The following SORCS1 variants were observed in gnomAD, a reference collection of about 807,000 sequenced individuals.
The protein encoded by SORCS1 is VPS10 domain-containing receptor SorCS1.
A neutral mutation model predicts 146.1 loss-of-function variants in SORCS1; 60 were observed. That is an observed-to-expected ratio of 0.41 (90% CI 0.33 to 0.51). SORCS1 has a LOEUF of 0.51. SORCS1 is among the 20% of genes least tolerant of loss of function. The probability of loss-of-function intolerance (pLI) is 0.21; values close to 1 mark genes in which losing one functional copy is unlikely to be tolerated. For missense variants in SORCS1, 1,352 were observed against 1,487.6 expected (o/e 0.91, Z 1.50); for synonymous variants, 637 against 584.0 (o/e 1.09, Z -1.31).
At chr10:106,742,439 G>T (rs1844967053) in intron 5 of SORCS1, among the ~76,000 whole-genome samples, 1 of 152,032 alleles carries the variant, frequency 6.6e-6, no homozygotes, top group Admixed American at 6.6e-5. Flanking sequence ...GAGTACAGTG[G>T]CACAATCTCA....
intron 1 of SORCS1, among the ~76,000 whole-genome samples, chr10:107,066,788 A>T (rs1484333115): frequency 6.6e-6 from 1 of 152,222 alleles, no homozygotes; most frequent in Non-Finnish European, 1.5e-5. Flanking sequence ...TGTGTTCCCA[A>T]CCATATAAAT....
chr10:106,951,598 A>C (rs1954689505), intron 2 of SORCS1, among the ~76,000 whole-genome samples: 1 of 151,988 alleles, frequency 6.6e-6, no homozygotes, highest in Non-Finnish European at 1.5e-5. Flanking sequence ...CCCTCACTGG[A>C]CCAGATCATT....
chr10:106,785,047 A>G (rs1384281563), intron 3 of SORCS1, among the ~76,000 whole-genome samples: 2 of 152,200 alleles, frequency 1.3e-5, no homozygotes, highest in African/African-American at 2.4e-5. Context: ...CATCCTAATG[A>G]AGGAGTTCAG....
At chr10:106,618,528 A>G (rs2133474533) in intron 20 of SORCS1, among the ~76,000 whole-genome samples, 1 of 152,270 alleles carries the variant, frequency 6.6e-6, no homozygotes, top group Non-Finnish European at 1.5e-5. Flanking sequence ...GGCTGGGGAG[A>G]TGGATAGGTC....
intron 18 of SORCS1, among the ~76,000 whole-genome samples, chr10:106,651,125 G>A (rs1209556213): frequency 6.6e-6 from 1 of 152,150 alleles, no homozygotes; most frequent in East Asian, 1.9e-4. Flanking sequence ...ATCAGGAAAG[G>A]AGTATGGGGT....
intron 18 of SORCS1, among the ~76,000 whole-genome samples, chr10:106,642,679 T>C (rs1356701318): frequency 6.6e-6 from 1 of 152,204 alleles, no homozygotes; most frequent in African/African-American, 2.4e-5. Context: ...GTATTCTAAA[T>C]TCCTTGGGTG....
chr10:106,796,831 C>T (rs561581370), intron 3 of SORCS1, among the ~76,000 whole-genome samples: 2 of 152,302 alleles, frequency 1.3e-5, no homozygotes, highest in African/African-American at 2.4e-5. Flanking sequence ...TGTACCTGGC[C>T]GGGCACAGTG....
At chr10:106,850,448 A>G (rs10884364) in intron 2 of SORCS1, among the ~76,000 whole-genome samples, 73,301 of 151,298 alleles carry the variant, frequency 0.48, 18,621 homozygotes, top group African/African-American at 0.65. Context: ...TTCGGCTCGC[A>G]CACGGTGCGC....
intron 18 of SORCS1, among the ~76,000 whole-genome samples, chr10:106,637,237 C>A (rs1049555704): frequency 2.0e-5 from 3 of 152,208 alleles, no homozygotes; most frequent in Admixed American, 1.3e-4. Context: ...ATCTTCTGTT[C>A]CCAAGCAAGT....
intron 6 of SORCS1, among the ~76,000 whole-genome samples, chr10:106,727,811 A>G (rs948875100): frequency 6.6e-6 from 1 of 152,176 alleles, no homozygotes; most frequent in African/African-American, 2.4e-5. Context: ...GCAAGAAAGA[A>G]GGGTATTCCA....
intron 3 of SORCS1, among the ~76,000 whole-genome samples, chr10:106,822,802 T>TTTTTG (rs994708912): frequency 0.033 from 4,636 of 140,046 alleles, 307 homozygotes; most frequent in African/African-American, 0.12. Context: ...TTTTTTTTTT[T>TTTTTG]GAATATTGCT....
intron 1 of SORCS1, among the ~76,000 whole-genome samples, chr10:106,981,535 A>G (rs1355084756): frequency 6.6e-6 from 1 of 152,212 alleles, no homozygotes; most frequent in Non-Finnish European, 1.5e-5. Context: ...ATAAAGATGC[A>G]GATTATCTTT....
At chr10:106,762,649 G>A (rs576464322) in intron 4 of SORCS1, among the ~76,000 whole-genome samples, 8 of 151,688 alleles carry the variant, frequency 5.3e-5, no homozygotes, top group African/African-American at 1.5e-4. Flanking sequence ...CGCCCACCTC[G>A]GCCTCCCAAA....
intron 4 of SORCS1, among the ~76,000 whole-genome samples, chr10:106,768,146 T>C (rs111518041): frequency 6.6e-5 from 10 of 152,236 alleles, no homozygotes; most frequent in African/African-American, 2.4e-4. Flanking sequence ...TATAAACAAG[T>C]GTTGGGGTTG....
intron 1 of SORCS1, among the ~76,000 whole-genome samples, chr10:107,149,783 T>C (rs1968620463): frequency 6.6e-6 from 1 of 152,224 alleles, no homozygotes; most frequent in Non-Finnish European, 1.5e-5. Flanking sequence ...TGGTTCCAAA[T>C]ATCTTAGACA....
intron 1 of SORCS1, among the ~76,000 whole-genome samples, chr10:107,125,487 C>T (rs1421634188): frequency 6.6e-6 from 1 of 152,214 alleles, no homozygotes; most frequent in South Asian, 2.1e-4. Context: ...TGGATATTCA[C>T]TCGGTCACTA....
At chr10:106,773,306 C>T (rs1162463627) in intron 4 of SORCS1, among the ~76,000 whole-genome samples, 1 of 152,204 alleles carries the variant, frequency 6.6e-6, no homozygotes, top group African/African-American at 2.4e-5. Flanking sequence ...CTCCTTGTTG[C>T]CACACATCTC....
chr10:107,009,906 A>G (rs908916171), intron 1 of SORCS1, among the ~76,000 whole-genome samples: 1 of 152,232 alleles, frequency 6.6e-6, no homozygotes. Context: ...CAGGAGGGTC[A>G]CAAGTCAGAA....
chr10:106,853,395 T>A (rs1949663864), intron 2 of SORCS1, among the ~76,000 whole-genome samples: 1 of 139,178 alleles, frequency 7.2e-6, no homozygotes. Context: ...TCCATTTTCT[T>A]GATTTTTTTT....
Sources: gnomAD v4.1 joint callset for allele counts (sites outside exome capture counted in the v4.1 genomes callset) on GRCh38, gnomAD v4.1.1 for gene constraint, MANE v1.5 for transcripts, NCBI Gene and HGNC (gene_info 2026-07-23, HGNC 2026-07-21) for gene names.